The following ACADL variants were observed in gnomAD, a reference collection of about 807,000 sequenced individuals.
ACADL encodes the protein long-chain specific acyl-CoA dehydrogenase, mitochondrial.
In ACADL, 60 loss-of-function variants were observed where a neutral mutation model predicts 56.9. The ratio of observed to expected loss-of-function variants is 1.05; its 90% CI spans 0.86 to 1.31. The LOEUF is 1.31. Among genes scored for constraint, ACADL ranks in the 50% most tolerant of loss-of-function variants. ACADL has a pLI of 0.00. For synonymous variants in ACADL, 158 were observed against 179.7 expected, an observed-to-expected ratio of 0.88 and a Z score of 0.97; for missense variants, 484 against 525.5, an observed-to-expected ratio of 0.92 and a Z score of 0.77.
chr2:210,189,030 C>T lies in ACADL; in HGVS notation c.1224G>A (p.Gln408=), dbSNP rs1688591202. The T allele has an allele frequency of 1.9e-6, 3 of 1,613,028 alleles. No individual in the cohort carries two copies. The highest frequency in any genetic ancestry group is 1.3e-5 in the African/African-American group (1 of 74,886). ...IAKAYVDARV[Q]PIYGGTNEIM... Reference sequence around the variant, plus strand: ...TTTCATTTGTACCACCATAGATTGGCTGAACTCTGGCATCCACATAAGCTC... The same window carrying T: ...TTTCATTTGTACCACCATAGATTGGTTGAACTCTGGCATCCACATAAGCTC... Residue 408 remains glutamine, a synonymous_variant, in exon 11 of 11, where the codon CAG becomes CAA. Coordinates refer to ENST00000233710, the MANE Select transcript of ACADL (RefSeq NM_001608.4).
chr2:210,216,295 A>C (rs1290064865), intron 4 of ACADL, 52 bp downstream of exon 4: 2 of 1,599,992 alleles, frequency 1.3e-6, no homozygotes, highest in Admixed American at 1.7e-5. Context: ...GTACTAAGAA[A>C]ATGTTAAGGC....
chr2:210,216,906 C>T (rs555890996), intron 3 of ACADL, among the ~76,000 whole-genome samples: 188 of 147,790 alleles, frequency 1.3e-3, no homozygotes, highest in Non-Finnish European at 2.3e-3. Flanking sequence ...AATAAAAAAG[C>T]AAAAAATAGA....
At chr2:210,225,014 C>A in intron 1 of ACADL, 173 bp downstream of exon 1, 1 of 985,438 alleles carries the variant, frequency 1.0e-6, no homozygotes, top group Non-Finnish European at 1.2e-6. Flanking sequence ...ATGCTGGTTG[C>A]ACCCAGTCCG....
At chr2:210,221,530 TATC>T (rs757038292) in intron 1 of ACADL, among the ~76,000 whole-genome samples, 1 of 152,194 alleles carries the variant, frequency 6.6e-6, no homozygotes, top group Non-Finnish European at 1.5e-5. Flanking sequence ...CTAAAAAACT[TATC>T]ATATATTCAA....
intron 5 of ACADL, among the ~76,000 whole-genome samples, chr2:210,208,123 G>A (rs1476387930): frequency 6.6e-6 from 1 of 152,066 alleles, no homozygotes; most frequent in Non-Finnish European, 1.5e-5. Context: ...GTGCTTTTTT[G>A]TTTGTTTTGC....
At chr2:210,190,809 T>C (rs1318538537) in intron 10 of ACADL, among the ~76,000 whole-genome samples, 1 of 152,120 alleles carries the variant, frequency 6.6e-6, no homozygotes, top group Non-Finnish European at 1.5e-5. Flanking sequence ...GTCTGGGGGA[T>C]ATAAGAAACA....
chr2:210,202,473 C>T (rs979935254), intron 8 of ACADL, among the ~76,000 whole-genome samples: 2 of 152,104 alleles, frequency 1.3e-5, no homozygotes, highest in African/African-American at 2.4e-5. Flanking sequence ...TGTCTGAACT[C>T]ATAGATGTCC....
intron 5 of ACADL, chr2:210,209,771 C>T (rs1020733620): frequency 8.2e-5 from 13 of 158,788 alleles, no homozygotes; most frequent in Admixed American, 6.3e-4. Context: ...CAAAGTGCTG[C>T]GATTACAGGT....
intron 3 of ACADL, among the ~76,000 whole-genome samples, chr2:210,217,315 T>C (rs909863125): frequency 6.6e-6 from 1 of 152,198 alleles, no homozygotes; most frequent in African/African-American, 2.4e-5. Context: ...GGAACATATT[T>C]TTTAAAATAT....
intron 10 of ACADL, among the ~76,000 whole-genome samples, chr2:210,190,724 AT>A (rs1391750994): frequency 6.6e-6 from 1 of 152,224 alleles, no homozygotes; most frequent in East Asian, 1.9e-4. Context: ...AAAAAACAAA[AT>A]AAAAAAGCAG....
At chr2:210,224,224 CAA>C (rs34460820) in intron 1 of ACADL, 126 of 67,396 alleles carry the variant, frequency 1.9e-3, no homozygotes, top group African/African-American at 3.0e-3. Context: ...GACTCTGTCT[CAA>C]AAAAAAAAAA....
chr2:210,225,020 G>T, intron 1 of ACADL, 167 bp downstream of exon 1: 1 of 985,418 alleles, frequency 1.0e-6, no homozygotes. Flanking sequence ...GTTGCACCCA[G>T]TCCGCGGGAT....
intron 10 of ACADL, among the ~76,000 whole-genome samples, chr2:210,191,705 T>C (rs542276259): frequency 1.3e-5 from 2 of 152,364 alleles, no homozygotes; most frequent in South Asian, 2.1e-4. Flanking sequence ...AGATACTTTA[T>C]ATTAAGATAA....
Position 210,204,804 on chromosome 2 carries a change from G to T in ACADL, c.769-122C>A. On this transcript the variant is annotated intron_variant, in intron 6 of 10. Transcript: ENST00000233710. The stretch of plus-strand genomic sequence containing the variant: ...AAAACACAAATTGGAAGCCAAGTTG[G>T]AGTAGTTAATGAACATAACTAGTAA... The T allele has an allele frequency of 3.8e-6, 3 of 793,946 alleles. 1 individual carries two copies. The highest frequency in any genetic ancestry group is 3.0e-5 in the South Asian group (2 of 67,412). 49.2% of individuals were successfully genotyped at this position (793,946 alleles called of 1,614,324 possible). A position where few individuals can be genotyped will look rare whatever the true frequency, so the allele number is the denominator to read the frequency against.
chr2:210,211,609 C>T (rs1418307390), intron 4 of ACADL, among the ~76,000 whole-genome samples: 1 of 152,062 alleles, frequency 6.6e-6, no homozygotes, highest in Admixed American at 6.6e-5. Context: ...CTCTCTCTTC[C>T]TCCTTCTCTG....
At chr2:210,191,349 A>G (rs938651512) in intron 10 of ACADL, among the ~76,000 whole-genome samples, 24 of 152,370 alleles carry the variant, frequency 1.6e-4, no homozygotes, top group African/African-American at 5.5e-4. Context: ...AAGTCTCTCA[A>G]ACTGAAACCA....
Position 210,216,404 on chromosome 2 carries a change from T to G in ACADL, c.479A>C (p.Gln160Pro). 1 of 1,613,984 alleles carries G rather than the reference T, an allele frequency of 6.2e-7. No individual in the cohort carries two copies. Among genetic ancestry groups the G allele is most frequent in the Non-Finnish European group, 8.5e-7 (1 of 1,179,864 alleles). The part of the protein sequence containing the change: ...SEEQIKHFIP[Q>P]MTAGKCIGAI... The stretch of plus-strand genomic sequence containing the variant: ...ACCAATACATTTGCCTGCAGTCATC[T>G]GGGGAATAAAGTGCTTAATCTGTTC... Residue 160 changes from glutamine (Q) to proline (P), a missense_variant, in exon 4 of 11, where the codon CAG (glutamine) becomes CCG (proline). Physicochemically the swap from Gln to Pro is moderately conservative, Grantham distance 76. Coordinates refer to ENST00000233710, the MANE Select transcript of ACADL (RefSeq NM_001608.4).
Position 210,217,999 on chromosome 2 carries a change from C to A in ACADL, c.337G>T (p.Asp113Tyr), listed in dbSNP as rs1366489815. 6.2e-7 allele frequency: 1 copy of A among 1,613,916 alleles called. No individual in the cohort carries two copies. The change falls in exon 3 of 11, where the codon GAT (aspartate) becomes TAT (tyrosine). Residue 113 changes from aspartate to tyrosine, a missense_variant. Coordinates refer to ENST00000233710, the MANE Select transcript of ACADL (RefSeq NM_001608.4). ...CAGACAATAGCTGCGGAGTACAGAT[C>A]CCCTCCAATTCCACCAAGATGCTCT... Reference protein sequence around the residue: ...IAEHLGGIGGDLYSAAIVWEE... With the variant: ...IAEHLGGIGGYLYSAAIVWEE...
intron 4 of ACADL, among the ~76,000 whole-genome samples, chr2:210,214,495 GAAAGAAAGAAAGAA>G (rs1349818460): frequency 7.3e-5 from 11 of 150,346 alleles, no homozygotes; most frequent in African/African-American, 2.5e-4. Flanking sequence ...AAGAAAGAAA[GAAAGAAAGAAAGAA>G]AAAGAAAGAA....
Sources: allele counts gnomAD v4.1 joint callset (sites outside exome capture counted in the v4.1 genomes callset), GRCh38; gene constraint gnomAD v4.1.1; transcripts MANE v1.5; gene names NCBI Gene and HGNC (gene_info 2026-07-23, HGNC 2026-07-21).